The following PRKN variants were observed in gnomAD, a reference collection of about 807,000 sequenced individuals.
PRKN encodes E3 ubiquitin-protein ligase parkin.
In PRKN, 56 loss-of-function variants were observed where a neutral mutation model predicts 59.5. That is an observed-to-expected ratio of 0.94 (90% CI 0.76 to 1.18). PRKN has a LOEUF of 1.18. PRKN is among the 50% of genes most tolerant of loss of function. The pLI, the probability that PRKN is intolerant of heterozygous loss-of-function variation, is 0.00. For missense variants in PRKN, 657 were observed against 596.4 expected (o/e 1.10, Z -1.06); for synonymous variants, 250 against 222.1 (o/e 1.13, Z -1.12).
intron 2 of PRKN, among the ~76,000 whole-genome samples, chr6:162,340,006 G>GCCTT (rs2128127831): frequency 6.8e-6 from 1 of 147,078 alleles, no homozygotes; most frequent in East Asian, 2.0e-4. Context: ...ACTGCGGAAG[G>GCCTT]CCGCAGGGTC....
At chr6:162,259,901 G>A (rs542914523) in intron 3 of PRKN, among the ~76,000 whole-genome samples, 3 of 152,170 alleles carry the variant, frequency 2.0e-5, no homozygotes, top group African/African-American at 7.2e-5. Context: ...AGTAATAAGG[G>A]AGAGTCCTAA....
chr6:162,698,756 A>G (rs1778055379), intron 1 of PRKN, among the ~76,000 whole-genome samples: 1 of 152,148 alleles, frequency 6.6e-6, no homozygotes, highest in Admixed American at 6.5e-5. Flanking sequence ...TGTTTTTGTG[A>G]TATGTCCAGG....
chr6:161,573,597 GTAGTCC>G (rs1352284537), intron 7 of PRKN, among the ~76,000 whole-genome samples: 298 of 149,280 alleles, frequency 2.0e-3, no homozygotes, highest in South Asian at 3.9e-3. Context: ...GCGGGCGCCT[GTAGTCC>G]CAGCTACTCG....
At chr6:162,691,033 T>C (rs918754386) in intron 1 of PRKN, among the ~76,000 whole-genome samples, 20 of 152,170 alleles carry the variant, frequency 1.3e-4, no homozygotes, top group Non-Finnish European at 2.6e-4. Flanking sequence ...TTGCAATTTT[T>C]TATCTGAGGT....
At chr6:162,673,853 G>A (rs533635079) in intron 1 of PRKN, among the ~76,000 whole-genome samples, 4 of 152,270 alleles carry the variant, frequency 2.6e-5, no homozygotes, top group South Asian at 2.1e-4. Flanking sequence ...CAAGTGTGGC[G>A]GAAGGCGGCA....
intron 7 of PRKN, among the ~76,000 whole-genome samples, chr6:161,741,828 T>C (rs1043793176): frequency 3.3e-5 from 5 of 152,158 alleles, no homozygotes; most frequent in African/African-American, 4.8e-5. Flanking sequence ...TCATTGTGAA[T>C]TGTAATAATC....
rs186581979 is a variant in PRKN at position 162,522,580 on chromosome 6, T to C, written c.8-79107A>G. Among the ~76,000 whole-genome samples the C allele has an allele frequency of 2.0e-5, 3 of 152,302 alleles. No individual in the cohort carries two copies. The East Asian group carries it at 5.8e-4, about 29-fold the overall frequency. The stretch of plus-strand genomic sequence containing the variant: ...AGCAAGTTTTGTTTTAAGTCACCCA[T>C]TCCAATGAATTTGCTACGTAGGCTG... On this transcript the variant is annotated intron_variant, in intron 1 of 11. Transcript: ENST00000366898.
intron 4 of PRKN, among the ~76,000 whole-genome samples, chr6:162,096,135 T>C (rs1358483782): frequency 6.6e-6 from 1 of 152,114 alleles, no homozygotes; most frequent in Non-Finnish European, 1.5e-5. Context: ...TACACATGTG[T>C]AGATTGTAAG....
chr6:162,206,375 C>A (rs974204976), intron 3 of PRKN, among the ~76,000 whole-genome samples: 28 of 152,272 alleles, frequency 1.8e-4, no homozygotes, highest in African/African-American at 6.0e-4. Context: ...AGCTGGCTTG[C>A]ACCAACACCA....
At chr6:162,334,657 T>C (rs539650475) in intron 2 of PRKN, among the ~76,000 whole-genome samples, 1 of 152,172 alleles carries the variant, frequency 6.6e-6, no homozygotes, top group African/African-American at 2.4e-5. Flanking sequence ...TAAGGAGCAA[T>C]TTTAACTTGC....
At position 161,461,006 on chromosome 6, in the gene PRKN, C is replaced by T. The variant is rs986253107; in HGVS notation, c.1084-74129G>A. Among the ~76,000 whole-genome samples the T allele has an allele frequency of 1.3e-5, 2 of 151,958 alleles. No individual in the cohort carries two copies. Among genetic ancestry groups the T allele is most frequent in the Non-Finnish European group, 2.9e-5 (2 of 67,990 alleles). On this transcript the variant is annotated intron_variant, in intron 9 of 11. Coordinates refer to ENST00000366898, the MANE Select transcript of PRKN (RefSeq NM_004562.3). The surrounding 1 kb of genome is among the most constrained non-coding windows in gnomAD (Gnocchi z 5.1). ...TCACCTGACCTCATGATCTGCCTGC[C>T]TTGGCTTCCCAAAGTACTGGGACTA...
In PRKN at chr6:161,354,845, G is replaced by A. The variant is rs1784689679; in HGVS notation, c.1286-4634C>T. Among the ~76,000 whole-genome samples the A allele has an allele frequency of 6.6e-6, 1 of 152,178 alleles. No homozygotes were observed. The highest frequency in any genetic ancestry group is 6.5e-5 in the Admixed American group (1 of 15,278). On this transcript the variant is annotated intron_variant, in intron 11 of 11. Coordinates refer to ENST00000366898, the MANE Select transcript of PRKN (RefSeq NM_004562.3). The surrounding 1 kb of genome is among the most constrained non-coding windows in gnomAD (Gnocchi z 6.7). ...TTAAAAATTTGGAGGTAAAAAATTAGTGCTTTCATTTATAGTACATCACAA... is the reference window on the plus strand; with the variant it reads ...TTAAAAATTTGGAGGTAAAAAATTAATGCTTTCATTTATAGTACATCACAA...
At chr6:162,043,345 G>A (rs114067216) in intron 5 of PRKN, among the ~76,000 whole-genome samples, 2,393 of 152,242 alleles carry the variant, frequency 0.016, 52 homozygotes, top group African/African-American at 0.054. Context: ...TTTTGAATAA[G>A]GTTTTTGAAT....
chr6:162,493,705 T>G (rs554205963), intron 1 of PRKN, among the ~76,000 whole-genome samples: 1 of 152,314 alleles, frequency 6.6e-6, no homozygotes, highest in African/African-American at 2.4e-5. Context: ...TATTTCATCC[T>G]TTGACGAAAG....
chr6:161,699,106 G>A (rs978972030), intron 7 of PRKN, among the ~76,000 whole-genome samples: 2 of 152,246 alleles, frequency 1.3e-5, no homozygotes, highest in African/African-American at 2.4e-5. Context: ...AGATACAAGG[G>A]TGGCAAATGA....
chr6:161,906,655 C>CATATATATATATATATATATATATATAT (rs1168847600), intron 6 of PRKN, among the ~76,000 whole-genome samples: 7 of 90,576 alleles, frequency 7.7e-5, no homozygotes, highest in African/African-American at 3.5e-4. Flanking sequence ...TCTAATAGAA[C>CATATATATATATATATATATATATATAT]ATACATATAT....
chr6:161,834,523 T>C (rs1188636080), intron 6 of PRKN, among the ~76,000 whole-genome samples: 2 of 152,226 alleles, frequency 1.3e-5, no homozygotes, highest in Non-Finnish European at 2.9e-5. Flanking sequence ...TGATGCTCCG[T>C]TTGAATAACA....
At chr6:161,722,225 C>T (rs1787252915) in intron 7 of PRKN, among the ~76,000 whole-genome samples, 2 of 149,278 alleles carry the variant, frequency 1.3e-5, no homozygotes, top group Non-Finnish European at 1.5e-5. Context: ...CAGGAAAGCA[C>T]AAATCCCCAT....
chr6:162,304,192 G>A (rs552397747), intron 2 of PRKN, among the ~76,000 whole-genome samples: 7 of 150,624 alleles, frequency 4.6e-5, no homozygotes, highest in South Asian at 2.1e-4. Flanking sequence ...ATTGAAGGTC[G>A]TCTCTTATGT....
Sources: gnomAD v4.1 joint callset for allele counts (sites outside exome capture counted in the v4.1 genomes callset) on GRCh38, gnomAD v4.1.1 for gene constraint, Gnocchi (gnomAD v3.1) non-coding constraint, MANE v1.5 for transcripts, NCBI Gene and HGNC (gene_info 2026-07-23, HGNC 2026-07-21) for gene names.